The following AHNAK2 variants were observed in gnomAD, a reference collection of about 807,000 sequenced individuals.
The protein encoded by AHNAK2 is AHNAK nucleoprotein 2.
A neutral mutation model predicts 30.7 loss-of-function variants in AHNAK2; 18 were observed. The ratio of observed to expected loss-of-function variants is 0.59; its 90% CI spans 0.41 to 0.87. The LOEUF is 0.87. Among genes scored for constraint, AHNAK2 ranks in the 40% least tolerant of loss-of-function variants. The pLI, the probability that AHNAK2 is intolerant of heterozygous loss-of-function variation, is 0.00. For missense variants in AHNAK2, 8,604 were observed against 7,373.0 expected (o/e 1.17, Z -6.11); for synonymous variants, 3,590 against 3,073.8 (o/e 1.17, Z -5.56).
Position 104,944,314 on chromosome 14 carries a change from CG to C in AHNAK2, c.11136del (p.Glu3713ArgfsTer17). The C allele has an allele frequency of 6.2e-7, 1 of 1,612,976 alleles. No homozygotes were observed. The part of the protein sequence containing the change: ...MDVKLPEGQV[P>X]EGAGLKEHLP... ...AGGTGCTCTTTGAGGCCGGCTCCCTCGGGCACCTGGCCCTCCGGGAGCTTCA... is the reference window on the plus strand; with the variant it reads ...AGGTGCTCTTTGAGGCCGGCTCCCTCGGCACCTGGCCCTCCGGGAGCTTCA... On this transcript the variant is annotated frameshift_variant, in exon 7 of 7. Transcript: ENST00000333244. LOFTEE classifies it low-confidence loss of function (END_TRUNC).
intron 1 of AHNAK2, among the ~76,000 whole-genome samples, chr14:104,963,714 C>G (rs1192823318): frequency 2.0e-5 from 3 of 151,828 alleles, no homozygotes; most frequent in Non-Finnish European, 4.4e-5. Flanking sequence ...CCTGTAGTCC[C>G]AGCTACTCGG....
intron 1 of AHNAK2, among the ~76,000 whole-genome samples, chr14:104,974,592 C>T (rs952712205): frequency 1.3e-5 from 2 of 152,222 alleles, no homozygotes; most frequent in Non-Finnish European, 2.9e-5. Context: ...CCTAAGGCTG[C>T]ACTGGCCACA....
In AHNAK2 at chr14:104,946,721, A is replaced by T; in HGVS notation, c.8730T>A (p.Asp2910Glu). ...TGACGTCTATCTGGGGGCCCTTGAG[A>T]TCCACTTTGGGCATCTTGAAACTGG... ...QMPSFKMPKV[D>E]LKGPQIDVKG... is the part of the protein sequence containing the mutation. The change falls in exon 7 of 7, where the codon GAT becomes GAA. Residue 2910 changes from aspartate to glutamate, a missense_variant. By Grantham distance (45) the Asp-to-Glu change is conservative. Coordinates refer to ENST00000333244, the MANE Select transcript of AHNAK2 (RefSeq NM_138420.4). 6.4e-7 allele frequency: 1 copy of T among 1,565,188 alleles called. No individual in the cohort carries two copies.
intron 4 of AHNAK2, among the ~76,000 whole-genome samples, chr14:104,956,247 C>A (rs1898972229): frequency 6.6e-6 from 1 of 152,186 alleles, no homozygotes; most frequent in Non-Finnish European, 1.5e-5. Context: ...CTGGCCTTTT[C>A]AGCCCCACAG....
Position 104,939,512 on chromosome 14 carries a change from C to T in AHNAK2, c.15939G>A (p.Met5313Ile). ...KGPLPFQMPGMRLPETQVLPG... is the reference protein window; with the variant it reads ...KGPLPFQMPGIRLPETQVLPG... ...GAAGAACCTGGGTTTCTGGAAGCCT[C>T]ATGCCAGGCATCTGAAAAGGGAGAG... Residue 5313 changes from methionine to isoleucine, a missense_variant, in exon 7 of 7, where the codon ATG becomes ATA. By Grantham distance (10) the Met-to-Ile change is conservative. Coordinates refer to ENST00000333244, the MANE Select transcript of AHNAK2 (RefSeq NM_138420.4). The T allele has an allele frequency of 1.2e-6, 2 of 1,613,704 alleles. No homozygotes were observed. The highest frequency in any genetic ancestry group is 2.2e-5 in the South Asian group (2 of 91,078).
Position 104,941,903 on chromosome 14 carries a change from A to C in AHNAK2, c.13548T>G (p.Pro4516=). Residue 4516 remains proline (P), a synonymous_variant, in exon 7 of 7, where the codon CCT becomes CCG. Coordinates refer to ENST00000333244, the MANE Select transcript of AHNAK2 (RefSeq NM_138420.4). ...LKTTDLRIQA[P]SADLEVQAGQ... Reference sequence around the variant, plus strand: ...CAGCCTGGACCTCCAGGTCGGCGGAAGGGGCCTGAATGCGGAGGTCAGTGG... The same window carrying C: ...CAGCCTGGACCTCCAGGTCGGCGGACGGGGCCTGAATGCGGAGGTCAGTGG... The C allele has an allele frequency of 6.2e-7, 1 of 1,613,438 alleles. No individual in the cohort carries two copies. The highest frequency in any genetic ancestry group is 8.5e-7 in the Non-Finnish European group (1 of 1,179,620).
Position 104,937,770 on chromosome 14 carries a change from C to G in AHNAK2, c.*293G>C. On this transcript the variant is annotated 3_prime_UTR_variant, in exon 7 of 7. Coordinates refer to ENST00000333244, the MANE Select transcript of AHNAK2 (RefSeq NM_138420.4). ...TCTCTGGAAATTTATCTAATAAAGA[C>G]CAACAAACTTCCCCAGCAGTGCCTC... 2.7e-6 allele frequency: 1 copy of G among 366,326 alleles called. No individual in the cohort carries two copies. The highest frequency in any genetic ancestry group is 2.1e-5 in the African/African-American group (1 of 48,510). The allele number at this position is 366,326 out of a possible 1,614,324, so 22.7% of individuals were successfully genotyped here.
In AHNAK2 at chr14:104,939,539, T is replaced by A; in HGVS notation, c.15912A>T (p.Gly5304=). 1 of 1,613,360 alleles carries A rather than the reference T, an allele frequency of 6.2e-7. No individual in the cohort carries two copies. ...TGCCAGGCATCTGAAAAGGGAGAGG[T>A]CCTTTGGATGGATGGATCCTGACCT... ...TSEVRIHPSK[G]PLPFQMPGMR... Residue 5304 remains glycine (G), a synonymous_variant, in exon 7 of 7, where the codon GGA becomes GGT. Transcript: ENST00000333244.
chr14:104,968,629 T>C (rs778819860), intron 1 of AHNAK2, among the ~76,000 whole-genome samples: 1 of 152,186 alleles, frequency 6.6e-6, no homozygotes, highest in Non-Finnish European at 1.5e-5. Flanking sequence ...GGGCCCCATC[T>C]CTGGCCTCCA....
Position 104,952,632 on chromosome 14 carries a change from C to A in AHNAK2, c.2819G>T (p.Gly940Val). The A allele has an allele frequency of 6.2e-7, 1 of 1,612,092 alleles. No homozygotes were observed. Among genetic ancestry groups the A allele is most frequent in the Non-Finnish European group, 8.5e-7 (1 of 1,179,416 alleles). The change falls in exon 7 of 7, where the codon GGC becomes GTC. Residue 940 changes from glycine (G) to valine (V), a missense_variant. Physicochemically the swap from Gly to Val is moderately radical, Grantham distance 109. Transcript: ENST00000333244. ...GGGGCCTTTCAGGTCCAGCTTGGGGCCCTTAACATCTATCTGGGGGCCCTT... is the reference window on the plus strand; with the variant it reads ...GGGGCCTTTCAGGTCCAGCTTGGGGACCTTAACATCTATCTGGGGGCCCTT... ...DLKGPQIDVKGPKLDLKGPKA... is the reference protein window; with the variant it reads ...DLKGPQIDVKVPKLDLKGPKA...
In AHNAK2 at chr14:104,945,081, C is replaced by G; in HGVS notation, c.10370G>C (p.Gly3457Ala). 1 of 1,613,280 alleles carries G rather than the reference C, an allele frequency of 6.2e-7. No individual in the cohort carries two copies. The highest frequency in any genetic ancestry group is 8.5e-7 in the Non-Finnish European group (1 of 1,179,752). The change falls in exon 7 of 7, where the codon GGG (glycine) becomes GCG (alanine). Residue 3457 changes from glycine to alanine, a missense_variant. By Grantham distance (60) the Gly-to-Ala change is moderately conservative (BLOSUM62 0). Transcript: ENST00000333244. ...RAKLDGARLE[G>A]DLSLAEKDVT... is the part of the protein sequence containing the mutation. ...ATCCTTTTCAGCCAGGGACAGGTCC[C>G]CCTCCAGCCGCGCACCATCCAGCTT...
At position 104,942,230 on chromosome 14, in the gene AHNAK2, C is replaced by G; in HGVS notation, c.13221G>C (p.Lys4407Asn). The G allele has an allele frequency of 6.2e-7, 1 of 1,613,094 alleles. No individual in the cohort carries two copies. The stretch of plus-strand genomic sequence containing the variant: ...CCACCTTGGGGCCTTTCAGGTCCAG[C>G]TTGGGGACATTAACGTCTATCTGGG... ...KGPQIDVNVP[K>N]LDLKGPKVEV... is the part of the protein sequence containing the mutation. Residue 4407 changes from lysine to asparagine, a missense_variant, in exon 7 of 7, where the codon AAG becomes AAC. Lys to Asn is a moderately conservative substitution (Grantham distance 94, BLOSUM62 0). Transcript: ENST00000333244.
In AHNAK2 at chr14:104,955,203, GC is replaced by G; in HGVS notation, c.467-63del. The G allele has an allele frequency of 2.0e-6, 3 of 1,529,474 alleles. No homozygotes were observed. In the South Asian group the frequency reaches 3.7e-5, roughly 19 times the overall value. 94.7% of individuals were successfully genotyped at this position (1,529,474 alleles called of 1,614,324 possible). A position where few individuals can be genotyped will look rare whatever the true frequency, so the allele number is the denominator to read the frequency against. Reference sequence around the variant, plus strand: ...TGAATGAGACGGGGTCTGCTGTCTTGCCTTGGCTGGCGAGGAGGGTCCCGGG... The same window carrying G: ...TGAATGAGACGGGGTCTGCTGTCTTGCTTGGCTGGCGAGGAGGGTCCCGGG... On this transcript the variant is annotated intron_variant, in intron 5 of 6. Coordinates refer to ENST00000333244, the MANE Select transcript of AHNAK2 (RefSeq NM_138420.4).
In AHNAK2 at chr14:104,945,440, C is replaced by A. The variant is rs1898210958; in HGVS notation, c.10011G>T (p.Lys3337Asn). ...IQASVDVSAP[K>N]AEADVSLPSM... is the part of the protein sequence containing the mutation. ...AGGGGAGGCTCACGTCGGCCTCCGC[C>A]TTCGGCGCAGACACATCCACCGAGG... is the stretch of plus-strand genomic sequence containing the variant. The change falls in exon 7 of 7, where the codon AAG (lysine) becomes AAT (asparagine). Residue 3337 changes from lysine to asparagine, a missense_variant. By Grantham distance (94) the Lys-to-Asn change is moderately conservative (BLOSUM62 0). Coordinates refer to ENST00000333244, the MANE Select transcript of AHNAK2 (RefSeq NM_138420.4). 1 of 1,613,366 alleles carries A rather than the reference C, an allele frequency of 6.2e-7. No homozygotes were observed. Among genetic ancestry groups the A allele is most frequent in the Non-Finnish European group, 8.5e-7 (1 of 1,179,726 alleles).
intron 1 of AHNAK2, chr14:104,970,314 C>T: frequency 1.6e-6 from 1 of 633,088 alleles, no homozygotes. Flanking sequence ...AACACCCCTG[C>T]CCGTCTGTCA....
chr14:104,962,975 A>G (rs1424698728), intron 1 of AHNAK2, among the ~76,000 whole-genome samples: 1 of 152,234 alleles, frequency 6.6e-6, no homozygotes, highest in African/African-American at 2.4e-5. Context: ...TAGGATACAG[A>G]AGGTAAGGAT....
intron 1 of AHNAK2, among the ~76,000 whole-genome samples, chr14:104,969,062 A>G (rs1899398720): frequency 1.3e-5 from 2 of 152,130 alleles, no homozygotes; most frequent in Admixed American, 1.3e-4. Context: ...GACTTCCCTG[A>G]GCAACATCCC....
Position 104,973,702 on chromosome 14 carries a change from C to T in AHNAK2, c.55+4481G>A, listed in dbSNP as rs370983436. 1.1e-3 allele frequency among the ~76,000 whole-genome samples: 175 copies of T among 152,326 alleles called. 2 individuals are homozygous for T. The highest frequency in any genetic ancestry group is 2.2e-3 in the Non-Finnish European group (150 of 68,014). ...AGGGGTGTGGCTTGAGATCCCTTTCCGGACTCCTGCCTGGAACAGCCTGGG... is the reference window on the plus strand; with the variant it reads ...AGGGGTGTGGCTTGAGATCCCTTTCTGGACTCCTGCCTGGAACAGCCTGGG... On this transcript the variant is annotated intron_variant, in intron 1 of 6. Transcript: ENST00000333244.
At position 104,937,875 on chromosome 14, in the gene AHNAK2, C is replaced by T. The variant is rs916775986; in HGVS notation, c.*188G>A. 6 of 586,524 alleles carry T rather than the reference C, an allele frequency of 1.0e-5. No individual in the cohort carries two copies. Among genetic ancestry groups the T allele is most frequent in the African/African-American group, 9.4e-5 (5 of 52,922 alleles). The allele number at this position is 586,524 out of a possible 1,614,324, so 36.3% of individuals were successfully genotyped here. Reference sequence around the variant, plus strand: ...CCAAAGCTTTGAGGGAGCTGGGAAGCTTTGGTTCCATTTTAGGAGGGCTGT... The same window carrying T: ...CCAAAGCTTTGAGGGAGCTGGGAAGTTTTGGTTCCATTTTAGGAGGGCTGT... On this transcript the variant is annotated 3_prime_UTR_variant, in exon 7 of 7. Coordinates refer to ENST00000333244, the MANE Select transcript of AHNAK2 (RefSeq NM_138420.4).
Sources: gnomAD v4.1 joint callset for allele counts (sites outside exome capture counted in the v4.1 genomes callset) on GRCh38, gnomAD v4.1.1 for gene constraint, MANE v1.5 for transcripts, NCBI Gene and HGNC (gene_info 2026-07-23, HGNC 2026-07-21) for gene names.